The following TET2 variants were observed in gnomAD, a reference collection of about 807,000 sequenced individuals.
The protein encoded by TET2 is methylcytosine dioxygenase TET2.
A neutral mutation model predicts 142.9 loss-of-function variants in TET2; 299 were observed. That is an observed-to-expected ratio of 2.09 (90% CI 1.90 to 2.30). TET2 has a LOEUF of 2.30. Ranked by LOEUF, TET2 falls within the 30% of genes most tolerant of loss-of-function variation. The pLI is 0.00. For synonymous variants in TET2, 819 were observed against 849.0 expected, an observed-to-expected ratio of 0.96 and a Z score of 0.61; for missense variants, 2,418 against 2,378.0, an observed-to-expected ratio of 1.02 and a Z score of -0.35.
chr4:105,201,866 A>G (rs1276926501), intron 2 of TET2, among the ~76,000 whole-genome samples: 1 of 147,868 alleles, frequency 6.8e-6, no homozygotes, highest in African/African-American at 2.5e-5. Context: ...CTCAGCTTCC[A>G]GAGTAGCTGA....
rs1728893846 is a variant in TET2 at position 105,236,290 on chromosome 4, A to G, written c.2348A>G (p.Glu783Gly). The change falls in exon 3 of 11, where the codon GAA (glutamate) becomes GGA (glycine). Residue 783 changes from glutamate to glycine, a missense_variant. Transcript: ENST00000380013. ...GSFFGQTKVE[E>G]CFHGENQYSK... ...TTCTTTGGCCAGACTAAAGTGGAAG[A>G]ATGTTTTCATGGTGAAAATCAGTAT... The G allele has an allele frequency of 6.2e-7, 1 of 1,614,000 alleles. No individual in the cohort carries two copies.
chr4:105,177,367 CAA>C (rs999011408), intron 1 of TET2, among the ~76,000 whole-genome samples: 7 of 152,140 alleles, frequency 4.6e-5, no homozygotes, highest in Non-Finnish European at 7.4e-5. Flanking sequence ...AAATTATTTG[CAA>C]AAGATACTTC....
intron 1 of TET2, among the ~76,000 whole-genome samples, chr4:105,166,107 AAC>A (rs1724136238): frequency 6.6e-6 from 1 of 152,176 alleles, no homozygotes; most frequent in Admixed American, 6.5e-5. Flanking sequence ...TGAAAAAGAA[AAC>A]ACATCACTTA....
intron 6 of TET2, among the ~76,000 whole-genome samples, chr4:105,254,862 C>T (rs909995463): frequency 6.6e-6 from 1 of 152,196 alleles, no homozygotes; most frequent in Admixed American, 6.5e-5. Context: ...ACTCACAAAA[C>T]TGTGAGGAAC....
At chr4:105,233,691 A>C (rs992588873) in intron 2 of TET2, among the ~76,000 whole-genome samples, 1 of 152,206 alleles carries the variant, frequency 6.6e-6, no homozygotes, top group African/African-American at 2.4e-5. Flanking sequence ...TAAATATTTT[A>C]GAGTTGCTAT....
chr4:105,247,969 A>T (rs1488294814), intron 6 of TET2, among the ~76,000 whole-genome samples: 1 of 151,858 alleles, frequency 6.6e-6, no homozygotes, highest in African/African-American at 2.4e-5. Flanking sequence ...TGATCCGCCC[A>T]CCTTGGCCTC....
intron 8 of TET2, among the ~76,000 whole-genome samples, chr4:105,265,813 C>T (rs1390886786): frequency 6.6e-6 from 1 of 151,948 alleles, no homozygotes; most frequent in Non-Finnish European, 1.5e-5. Flanking sequence ...GACAGTGGCA[C>T]CAGAGAGAAA....
At chr4:105,265,764 G>C (rs931174310) in intron 8 of TET2, among the ~76,000 whole-genome samples, 1 of 152,106 alleles carries the variant, frequency 6.6e-6, no homozygotes, top group Non-Finnish European at 1.5e-5. Flanking sequence ...CAAAATATAT[G>C]AAACAATGGT....
At position 105,236,932 on chromosome 4, in the gene TET2, C is replaced by T. The variant is rs775382692; in HGVS notation, c.2990C>T (p.Pro997Leu). The change falls in exon 3 of 11, where the codon CCA (proline) becomes CTA (leucine). Residue 997 changes from proline (P) to leucine (L), a missense_variant. Coordinates refer to ENST00000380013, the MANE Select transcript of TET2 (RefSeq NM_001127208.3). The part of the protein sequence containing the change: ...CKPHACMHTA[P>L]PENKTWKKVT... ...CCACATGCCTGTATGCACACAGCAC[C>T]ACCAGAAAACAAAACATGGAAAAAG... is the stretch of plus-strand genomic sequence containing the variant. The T allele has an allele frequency of 6.2e-7, 1 of 1,614,102 alleles. No individual in the cohort carries two copies. The highest frequency in any genetic ancestry group is 1.1e-5 in the South Asian group (1 of 91,084).
At chr4:105,259,367 G>A (rs976070529) in intron 6 of TET2, among the ~76,000 whole-genome samples, 1 of 152,068 alleles carries the variant, frequency 6.6e-6, no homozygotes, top group Non-Finnish European at 1.5e-5. Flanking sequence ...CTTAGTGTGG[G>A]TTCTACTTAA....
At position 105,235,572 on chromosome 4, in the gene TET2, C is replaced by T. The variant is rs1440692352; in HGVS notation, c.1630C>T (p.Arg544Ter). 6.2e-6 allele frequency: 10 copies of T among 1,613,948 alleles called. No individual in the cohort carries two copies. Among genetic ancestry groups the T allele is most frequent in the Admixed American group, 1.7e-5 (1 of 59,994 alleles). The change falls in exon 3 of 11, where the codon CGA (arginine) becomes TGA (stop). Residue 544 changes from arginine to a stop codon, truncating the protein, a stop_gained. Coordinates refer to ENST00000380013, the MANE Select transcript of TET2 (RefSeq NM_001127208.3). LOFTEE classifies it high-confidence loss of function. ...RNKEQEILKG[R>*]DKEQTRDLVP... ...CAAAGAGCAAGAGATTCTGAAGGGTCGAGACAAGGAGCAAACACGAGATCT... is the reference window on the plus strand; with the variant it reads ...CAAAGAGCAAGAGATTCTGAAGGGTTGAGACAAGGAGCAAACACGAGATCT...
chr4:105,194,811 T>C (rs1725984956), intron 2 of TET2, among the ~76,000 whole-genome samples: 1 of 152,218 alleles, frequency 6.6e-6, no homozygotes, highest in Non-Finnish European at 1.5e-5. Context: ...ACAGTAGCTT[T>C]ACAATTCTTT....
At chr4:105,233,075 G>A (rs1207681518) in intron 2 of TET2, among the ~76,000 whole-genome samples, 4 of 152,006 alleles carry the variant, frequency 2.6e-5, no homozygotes, top group African/African-American at 9.7e-5. Context: ...GGCTAGGGGA[G>A]GAGAACCCTT....
chr4:105,165,994 T>C (rs1414786481), intron 1 of TET2, among the ~76,000 whole-genome samples: 1 of 152,196 alleles, frequency 6.6e-6, no homozygotes, highest in Non-Finnish European at 1.5e-5. Flanking sequence ...TTCTGTCAAC[T>C]CCTGTATTCC....
intron 6 of TET2, among the ~76,000 whole-genome samples, chr4:105,257,487 G>C (rs1383449577): frequency 6.6e-6 from 1 of 152,092 alleles, no homozygotes; most frequent in African/African-American, 2.4e-5. Context: ...AGGTGCCTGA[G>C]ATCAATAAGT....
At chr4:105,219,344 G>C in intron 2 of TET2, among the ~76,000 whole-genome samples, 1 of 152,038 alleles carries the variant, frequency 6.6e-6, no homozygotes, top group Non-Finnish European at 1.5e-5. Context: ...TAGATCAATA[G>C]GAAAACGAAT....
At chr4:105,195,057 A>AT (rs59252806) in intron 2 of TET2, among the ~76,000 whole-genome samples, 48,465 of 152,020 alleles carry the variant, frequency 0.32, 8,500 homozygotes, top group East Asian at 0.54. Flanking sequence ...GCTGTATAGC[A>AT]TTTTTTGCAT....
intron 6 of TET2, among the ~76,000 whole-genome samples, chr4:105,244,584 A>ATT (rs1237638072): frequency 6.9e-5 from 8 of 116,764 alleles, no homozygotes; most frequent in Admixed American, 1.8e-4. Context: ...CTACACAGAA[A>ATT]TGTTTTTTTT....
In TET2 at chr4:105,244,584, ATGT is replaced by A. The variant is rs1729483973; in HGVS notation, c.3803+808_3803+810del. The stretch of plus-strand genomic sequence containing the variant: ...TGAATGTTCACGGTGCTACACAGAA[ATGT>A]TTTTTTTTTTTTTTTTTTTTTTTTT... On this transcript the variant is annotated intron_variant, in intron 6 of 10. Coordinates refer to ENST00000380013, the MANE Select transcript of TET2 (RefSeq NM_001127208.3). 6.0e-5 allele frequency among the ~76,000 whole-genome samples: 7 copies of A among 116,768 alleles called. 2 individuals carry two copies. The highest frequency in any genetic ancestry group is 2.3e-4 in the East Asian group (1 of 4,388). 76.6% of individuals were successfully genotyped at this position (116,768 alleles called of 152,430 possible). A position where few individuals can be genotyped will look rare whatever the true frequency, so the allele number is the denominator to read the frequency against.
Sources: allele counts gnomAD v4.1 joint callset (sites outside exome capture counted in the v4.1 genomes callset), GRCh38; gene constraint gnomAD v4.1.1; transcripts MANE v1.5; gene names NCBI Gene and HGNC (gene_info 2026-07-23, HGNC 2026-07-21).